Variants in CALN1 observed in about 807,000 individuals in gnomAD.
CALN1 encodes the protein calneuron 1.
Under a neutral mutation model 30.6 loss-of-function variants are expected in CALN1, and 17 were observed. The ratio of observed to expected loss-of-function variants is 0.56; its 90% CI spans 0.38 to 0.83. The LOEUF (loss-of-function observed/expected upper bound fraction) is 0.83, where lower values mean the gene tolerates loss of function less well. CALN1 is among the 40% of genes least tolerant of loss of function. The pLI is 0.00. For missense variants in CALN1, 291 were observed against 354.9 expected (o/e 0.82, Z 1.45); for synonymous variants, 156 against 131.4 (o/e 1.19, Z -1.28).
At chr7:72,327,023 T>C (rs1801324888) in intron 2 of CALN1, among the ~76,000 whole-genome samples, 1 of 152,252 alleles carries the variant, frequency 6.6e-6, no homozygotes, top group African/African-American at 2.4e-5. Context: ...GTAGTAATTC[T>C]GCTGAATCAC....
chr7:72,422,529 G>A (rs755362015), intron 1 of CALN1, among the ~76,000 whole-genome samples: 48 of 152,124 alleles, frequency 3.2e-4, no homozygotes, highest in Non-Finnish European at 5.3e-4. Flanking sequence ...TCTGCAGAGG[G>A]GAGGCTTAGT....
chr7:72,003,689 T>C (rs542600599), intron 5 of CALN1, among the ~76,000 whole-genome samples: 1 of 152,348 alleles, frequency 6.6e-6, no homozygotes, highest in East Asian at 1.9e-4. Context: ...TAGATGGGAC[T>C]GTCTAGTTGC....
intron 5 of CALN1, among the ~76,000 whole-genome samples, chr7:71,958,096 A>G (rs1233688818): frequency 6.6e-6 from 1 of 151,254 alleles, no homozygotes; most frequent in Non-Finnish European, 1.5e-5. Flanking sequence ...AAGAAAGAAA[A>G]AAAAAGAAAA....
At chr7:71,851,249 A>ACACC (rs1790626620) in intron 5 of CALN1, among the ~76,000 whole-genome samples, 1 of 150,270 alleles carries the variant, frequency 6.7e-6, no homozygotes, top group Non-Finnish European at 1.5e-5. Context: ...ACACACACAC[A>ACACC]CACATCACAC....
chr7:71,867,738 C>A (rs960352197), intron 5 of CALN1, among the ~76,000 whole-genome samples: 1 of 152,088 alleles, frequency 6.6e-6, no homozygotes, highest in Non-Finnish European at 1.5e-5. Flanking sequence ...CGGCTGGGGA[C>A]TGCCTTTTAG....
chr7:71,895,776 G>A (rs920049914), intron 5 of CALN1, among the ~76,000 whole-genome samples: 1 of 152,200 alleles, frequency 6.6e-6, no homozygotes, highest in Admixed American at 6.5e-5. Context: ...ATTCCTTCCA[G>A]TCATTCATTA....
At chr7:72,132,428 C>T (rs920929471) in intron 3 of CALN1, among the ~76,000 whole-genome samples, 1 of 152,086 alleles carries the variant, frequency 6.6e-6, no homozygotes, top group Admixed American at 6.6e-5. Context: ...GCTCTCACAC[C>T]ATCATGAAGT....
chr7:71,945,635 TC>T, intron 5 of CALN1, among the ~76,000 whole-genome samples: 1 of 152,258 alleles, frequency 6.6e-6, no homozygotes, highest in South Asian at 2.1e-4. Flanking sequence ...ACGCGAGGGA[TC>T]TAGATTGTGC....
At position 72,406,615 on chromosome 7, in the gene CALN1, C is replaced by CT. The variant is rs1189744119; in HGVS notation, c.-73-3174dup. Among the ~76,000 whole-genome samples, 938 of 102,156 alleles carry CT rather than the reference C, an allele frequency of 9.2e-3. 25 individuals carry two copies. In the East Asian group the frequency reaches 0.28, roughly 30 times the overall value. 67.0% of individuals were successfully genotyped at this position (102,156 alleles called of 152,430 possible). A position where few individuals can be genotyped will look rare whatever the true frequency, so the allele number is the denominator to read the frequency against. ...AGACCCACATGAGGGTCCTTGTCAG[C>CT]TTTTTTTTTTTTCTTTTTTAAGACG... On this transcript the variant is annotated intron_variant, in intron 1 of 6. Coordinates refer to ENST00000395275, the MANE Select transcript of CALN1 (RefSeq NM_031468.4).
intron 2 of CALN1, among the ~76,000 whole-genome samples, chr7:72,362,966 G>T (rs1803656108): frequency 6.6e-6 from 1 of 152,204 alleles, no homozygotes; most frequent in Admixed American, 6.5e-5. Flanking sequence ...GCCTGGCCCA[G>T]ATATTACTTC....
intron 4 of CALN1, among the ~76,000 whole-genome samples, chr7:72,079,417 T>C (rs1036396830): frequency 1.3e-5 from 2 of 152,194 alleles, no homozygotes; most frequent in Admixed American, 6.5e-5. Flanking sequence ...CTGCTTGCTT[T>C]TGGCCACTTG....
chr7:72,410,162 A>G (rs2129562888), intron 1 of CALN1, among the ~76,000 whole-genome samples: 1 of 152,280 alleles, frequency 6.6e-6, no homozygotes, highest in East Asian at 1.9e-4. Context: ...AGCCTGCCCC[A>G]AAGCTAAGCC....
chr7:72,126,586 T>C (rs925916752), intron 3 of CALN1, among the ~76,000 whole-genome samples: 3 of 152,194 alleles, frequency 2.0e-5, no homozygotes, highest in African/African-American at 4.8e-5. Context: ...ACCCAGTTTG[T>C]AGTCTTTTAC....
At position 71,785,369 on chromosome 7, in the gene CALN1, A is replaced by T. The variant is rs1792931919; in HGVS notation, c.*2406T>A. On this transcript the variant is annotated 3_prime_UTR_variant, in exon 7 of 7. Coordinates refer to ENST00000395275, the MANE Select transcript of CALN1 (RefSeq NM_031468.4). ...CCTCCCTACTCCTGCACAGTGGCTA[A>T]TCTCTCTGCCAATGAAATCTAACCC... 6.6e-6 allele frequency: 1 copy of T among 152,472 alleles called. No individual in the cohort carries two copies. Among genetic ancestry groups the T allele is most frequent in the African/African-American group, 2.4e-5 (1 of 41,450 alleles). 9.4% of individuals were successfully genotyped at this position (152,472 alleles called of 1,614,324 possible). A position where few individuals can be genotyped will look rare whatever the true frequency, so the allele number is the denominator to read the frequency against.
rs915050935 is a variant in CALN1 at position 71,782,210 on chromosome 7, T to C, written c.*5565A>G. On this transcript the variant is annotated 3_prime_UTR_variant, in exon 7 of 7. Coordinates refer to ENST00000395275, the MANE Select transcript of CALN1 (RefSeq NM_031468.4). Reference sequence around the variant, plus strand: ...GGCCTGCTGGGAGATATTTGGGTCATAGGGACAGATTCCTCATGAATGACT... The same window carrying C: ...GGCCTGCTGGGAGATATTTGGGTCACAGGGACAGATTCCTCATGAATGACT... 6.6e-6 allele frequency: 1 copy of C among 152,242 alleles called. No individual in the cohort carries two copies. The highest frequency in any genetic ancestry group is 1.5e-5 in the Non-Finnish European group (1 of 68,040). The allele number at this position is 152,242 out of a possible 1,614,324, so 9.4% of individuals were successfully genotyped here.
At chr7:72,220,732 A>T (rs1195421834) in intron 3 of CALN1, among the ~76,000 whole-genome samples, 1 of 151,974 alleles carries the variant, frequency 6.6e-6, no homozygotes, top group Non-Finnish European at 1.5e-5. Context: ...AATGATTGCC[A>T]TTCTAACTGG....
chr7:72,371,726 C>G (rs1804254223), intron 2 of CALN1, among the ~76,000 whole-genome samples: 1 of 152,194 alleles, frequency 6.6e-6, no homozygotes, highest in South Asian at 2.1e-4. Context: ...ATATGGATAA[C>G]TAATAGTTTC....
chr7:72,292,219 G>C (rs746528904), intron 2 of CALN1, among the ~76,000 whole-genome samples: 1 of 151,772 alleles, frequency 6.6e-6, no homozygotes, highest in East Asian at 2.0e-4. Context: ...TATTTCTCAT[G>C]GTTCTCAAGC....
chr7:72,298,799 G>A (rs1434091463), intron 2 of CALN1, among the ~76,000 whole-genome samples: 11 of 53,454 alleles, frequency 2.1e-4, no homozygotes, highest in African/African-American at 4.3e-4. Flanking sequence ...AGATCTGATG[G>A]TTTTAAAAAA....
Sources: gnomAD v4.1 joint callset for allele counts (sites outside exome capture counted in the v4.1 genomes callset) on GRCh38, gnomAD v4.1.1 for gene constraint, MANE v1.5 for transcripts, NCBI Gene and HGNC (gene_info 2026-07-23, HGNC 2026-07-21) for gene names.